The following OPALIN variants were observed in gnomAD, a reference collection of about 807,000 sequenced individuals.
OPALIN encodes transmembrane protein 10.
OPALIN carries 15 observed loss-of-function variants against 17.8 expected under a neutral mutation model. That is an observed-to-expected ratio of 0.84 (90% confidence interval 0.56 to 1.29). OPALIN has a LOEUF of 1.29. Among genes scored for constraint, OPALIN ranks in the 50% most tolerant of loss-of-function variants. The probability of loss-of-function intolerance (pLI) is 0.00; values close to 1 mark genes in which losing one functional copy is unlikely to be tolerated. For synonymous variants in OPALIN, 62 were observed against 63.8 expected (o/e 0.97, Z 0.14); for missense variants, 170 against 176.0 (o/e 0.97, Z 0.19).
chr10:96,355,086 G>C (rs1283113983), intron 2 of OPALIN, among the ~76,000 whole-genome samples, 169 bp downstream of exon 2: 1 of 98,326 alleles, frequency 1.0e-5, no homozygotes, highest in Non-Finnish European at 1.8e-5. Flanking sequence ...GACAGAGCAA[G>C]ACCTTGTCTC....
At chr10:96,353,145 T>C (rs945604265) in intron 2 of OPALIN, among the ~76,000 whole-genome samples, 4 of 152,242 alleles carry the variant, frequency 2.6e-5, no homozygotes, top group South Asian at 4.1e-4. Context: ...AGTCTGGCTC[T>C]GGGATCCATG....
rs1845229075 is a variant in OPALIN at position 96,344,509 on chromosome 10, A to G, written c.*1432T>C. 1 of 151,946 alleles carries G rather than the reference A, an allele frequency of 6.6e-6. No homozygotes were observed. The highest frequency in any genetic ancestry group is 1.5e-5 in the Non-Finnish European group (1 of 68,020). 9.4% of individuals were successfully genotyped at this position (151,946 alleles called of 1,614,324 possible). A position where few individuals can be genotyped will look rare whatever the true frequency, so the allele number is the denominator to read the frequency against. On this transcript the variant is annotated 3_prime_UTR_variant, in exon 6 of 6. Coordinates refer to ENST00000371172, the MANE Select transcript of OPALIN (RefSeq NM_033207.5). ...GAAAATGGGAAGAGGAGTTACTGGG[A>G]TAAGAGAAAGCTGGAGGGTGGCCTC...
chr10:96,347,770 A>G (rs1014627569), intron 5 of OPALIN, among the ~76,000 whole-genome samples: 1 of 152,178 alleles, frequency 6.6e-6, no homozygotes, highest in Non-Finnish European at 1.5e-5. Context: ...ACTGCACCGG[A>G]CCTATACTTT....
intron 4 of OPALIN, among the ~76,000 whole-genome samples, chr10:96,348,733 T>C (rs1032603741): frequency 7.9e-5 from 12 of 152,236 alleles, no homozygotes; most frequent in Non-Finnish European, 1.5e-5. Flanking sequence ...TTTAATTGGC[T>C]TTGGTGATTG....
intron 5 of OPALIN, among the ~76,000 whole-genome samples, chr10:96,346,766 T>C (rs1845350195): frequency 6.6e-6 from 1 of 152,222 alleles, no homozygotes; most frequent in Non-Finnish European, 1.5e-5. Context: ...ATTAACACTT[T>C]CTATCCAGGA....
chr10:96,346,818 G>T (rs549340736), intron 5 of OPALIN, among the ~76,000 whole-genome samples: 1 of 152,146 alleles, frequency 6.6e-6, no homozygotes, highest in South Asian at 2.1e-4. Flanking sequence ...TATTTAATGG[G>T]TTTTTTAACC....
intron 1 of OPALIN, among the ~76,000 whole-genome samples, chr10:96,355,900 C>T (rs1030325622): frequency 7.2e-5 from 11 of 152,162 alleles, no homozygotes; most frequent in African/African-American, 1.7e-4. Context: ...TCACCTCTCC[C>T]GCAAATATGG....
intron 3 of OPALIN, among the ~76,000 whole-genome samples, 200 bp from the exon 4 acceptor site, chr10:96,350,026 TAC>T: frequency 6.6e-6 from 1 of 152,332 alleles, no homozygotes; most frequent in Non-Finnish European, 1.5e-5. Context: ...GGACTTAATT[TAC>T]ACAGTTTAAA....
intron 2 of OPALIN, 100 bp downstream of exon 2, chr10:96,355,155 T>G (rs1489028358): frequency 2.2e-6 from 1 of 454,280 alleles, no homozygotes; most frequent in Non-Finnish European, 4.3e-6. Context: ...GTGTAACTTA[T>G]CACCGTGTGT....
At chr10:96,351,084 T>C (rs1424323577) in intron 3 of OPALIN, among the ~76,000 whole-genome samples, 1 of 152,216 alleles carries the variant, frequency 6.6e-6, no homozygotes, top group Non-Finnish European at 1.5e-5. Context: ...TGACCACTAT[T>C]CTGAAATCTA....
chr10:96,348,369 T>C, intron 4 of OPALIN, 24 bp from the exon 5 acceptor site: 1 of 1,184,340 alleles, frequency 8.4e-7, no homozygotes, highest in Non-Finnish European at 1.2e-6. Context: ...AATATAATAA[T>C]AAAAGAAAGA....
chr10:96,345,909 T>A lies in OPALIN; in HGVS notation c.*32A>T, dbSNP rs1445041857. The A allele has an allele frequency of 1.2e-6, 2 of 1,602,688 alleles. No homozygotes were observed. The highest frequency in any genetic ancestry group is 2.7e-5 in the African/African-American group (2 of 74,296). ...CCCTGGGTTTTCAACCCTGTTCCAG[T>A]GCCAGGTCTGCTGCTCCTTGACTGA... On this transcript the variant is annotated 3_prime_UTR_variant, in exon 6 of 6. Coordinates refer to ENST00000371172, the MANE Select transcript of OPALIN (RefSeq NM_033207.5).
At chr10:96,355,531 C>T (rs1336713599) in intron 1 of OPALIN, among the ~76,000 whole-genome samples, 2 of 152,264 alleles carry the variant, frequency 1.3e-5, no homozygotes, top group South Asian at 2.1e-4. Context: ...GGTCCTCGAC[C>T]AGGATCAGAT....
intron 2 of OPALIN, among the ~76,000 whole-genome samples, chr10:96,352,818 C>T (rs187049016): frequency 2.0e-5 from 3 of 152,246 alleles, no homozygotes. Flanking sequence ...CGAAGGCACC[C>T]TCCTTTCTCC....
At chr10:96,347,702 A>C (rs1243474663) in intron 5 of OPALIN, among the ~76,000 whole-genome samples, 1 of 151,780 alleles carries the variant, frequency 6.6e-6, no homozygotes, top group Non-Finnish European at 1.5e-5. Flanking sequence ...CAAACTCCTG[A>C]CCTCAGATGA....
intron 3 of OPALIN, among the ~76,000 whole-genome samples, chr10:96,350,421 G>C (rs921607383): frequency 2.6e-5 from 4 of 152,110 alleles, no homozygotes; most frequent in Admixed American, 2.6e-4. Context: ...TCACTATGTT[G>C]GCCAGGCTGG....
chr10:96,355,250 C>T lies in OPALIN; in HGVS notation c.39+5G>A, dbSNP rs1191639166. On this transcript the variant is annotated splice_donor_5th_base_variant and intron_variant, in intron 2 of 5. Coordinates refer to ENST00000371172, the MANE Select transcript of OPALIN (RefSeq NM_033207.5). ...TGCCTGGTGAATGGGGGCTGCTGTA[C>T]TTACTGTGTTCGCCGGCAGGGTGAA... The T allele has an allele frequency of 3.1e-6, 5 of 1,610,080 alleles. No individual in the cohort carries two copies. The Admixed American group carries it at 6.7e-5, about 22-fold the overall frequency.
At chr10:96,346,217 C>G in intron 5 of OPALIN, 100 bp from the exon 6 acceptor site, 2 of 936,972 alleles carry the variant, frequency 2.1e-6, no homozygotes, top group East Asian at 2.4e-5. Flanking sequence ...CTGAAATAAC[C>G]AAAATCAGAC....
chr10:96,351,544 C>A, intron 2 of OPALIN, 134 bp from the exon 3 acceptor site: 1 of 494,618 alleles, frequency 2.0e-6, no homozygotes, highest in Non-Finnish European at 3.6e-6. Flanking sequence ...TTAACAACTA[C>A]CAAACAGAAC....
Sources: gnomAD v4.1 joint callset for allele counts (sites outside exome capture counted in the v4.1 genomes callset) on GRCh38, gnomAD v4.1.1 for gene constraint, MANE v1.5 for transcripts, NCBI Gene and HGNC (gene_info 2026-07-23, HGNC 2026-07-21) for gene names.